KLF11: variants seen among roughly 807,000 people sequenced by gnomAD.
KLF11 encodes Krueppel-like factor 11.
In KLF11, 26 loss-of-function variants were observed where a neutral mutation model predicts 29.9. The observed-to-expected ratio is 0.87, with a 90% CI of 0.64 to 1.21. KLF11 has a LOEUF of 1.21. KLF11 is among the 50% of genes most tolerant of loss of function. KLF11 has a pLI of 0.00. For synonymous variants in KLF11, 318 were observed against 257.4 expected, an observed-to-expected ratio of 1.24 and a Z score of -2.25; for missense variants, 778 against 665.7, an observed-to-expected ratio of 1.17 and a Z score of -1.86.
intron 1 of KLF11, chr2:10,044,214 G>A: frequency 4.4e-6 from 4 of 905,148 alleles, no homozygotes; most frequent in East Asian, 1.4e-4. Flanking sequence ...TAGCGGTAGT[G>A]CCGCTCGGGC....
intron 3 of KLF11, among the ~76,000 whole-genome samples, chr2:10,051,746 T>A (rs530165277): frequency 9.6e-5 from 14 of 145,952 alleles, no homozygotes; most frequent in Admixed American, 7.5e-4. Context: ...CTCGGTCTTC[T>A]GACTTTGTGA....
At chr2:10,051,738 C>T (rs887889816) in intron 3 of KLF11, among the ~76,000 whole-genome samples, 3 of 142,524 alleles carry the variant, frequency 2.1e-5, no homozygotes, top group Non-Finnish European at 4.6e-5. Context: ...AGGATGGTCT[C>T]GGTCTTCTGA....
At chr2:10,049,149 C>T (rs769649048) in intron 3 of KLF11, among the ~76,000 whole-genome samples, 8 of 152,206 alleles carry the variant, frequency 5.3e-5, no homozygotes, top group African/African-American at 9.6e-5. Flanking sequence ...CTAACCAGCT[C>T]TGTCCAATAT....
At chr2:10,051,332 C>T (rs540713293) in intron 3 of KLF11, among the ~76,000 whole-genome samples, 3 of 152,214 alleles carry the variant, frequency 2.0e-5, no homozygotes, top group South Asian at 2.1e-4. Flanking sequence ...CCTCAGTCTC[C>T]GGAATAGTTG....
chr2:10,046,457 T>TTAGTC (rs747578406), intron 2 of KLF11, 38 bp downstream of exon 2: 10 of 1,605,930 alleles, frequency 6.2e-6, no homozygotes, highest in Non-Finnish European at 7.6e-6. Context: ...TTTTGTGAAA[T>TTAGTC]GACTAGAGTA....
intron 3 of KLF11, among the ~76,000 whole-genome samples, chr2:10,050,300 A>G (rs1471495319): frequency 6.6e-6 from 1 of 151,494 alleles, no homozygotes; most frequent in Non-Finnish European, 1.5e-5. Context: ...CTAGCTGCTC[A>G]GGAGGCTGAG....
At position 10,053,430 on chromosome 2, in the gene KLF11, T is replaced by C. The variant is rs1661467362; in HGVS notation, c.*923T>C. 1.0e-5 allele frequency: 4 copies of C among 398,548 alleles called. No individual in the cohort carries two copies. The highest frequency in any genetic ancestry group is 4.4e-5 in the Admixed American group (1 of 22,714). The allele number at this position is 398,548 out of a possible 1,614,324, so 24.7% of individuals were successfully genotyped here. A position where few individuals can be genotyped will look rare whatever the true frequency, so the allele number is the denominator to read the frequency against. ...GTTCTGACTCCTTTTGCTGTGGCCTTATCCGTACTATATTGTGGGTAGAGT... is the reference window on the plus strand; with the variant it reads ...GTTCTGACTCCTTTTGCTGTGGCCTCATCCGTACTATATTGTGGGTAGAGT... On this transcript the variant is annotated 3_prime_UTR_variant, in exon 4 of 4. Coordinates refer to ENST00000305883, the MANE Select transcript of KLF11 (RefSeq NM_003597.5).
chr2:10,048,674 G>C (rs532844913), intron 3 of KLF11, 79 bp downstream of exon 3: 12 of 1,121,138 alleles, frequency 1.1e-5, no homozygotes, highest in Admixed American at 7.0e-5. Context: ...CCTTTGGCTG[G>C]GAGGGGATCA....
In KLF11 at chr2:10,052,245, G is replaced by A; in HGVS notation, c.1277G>A (p.Cys426Tyr). 6.2e-7 allele frequency: 1 copy of A among 1,614,190 alleles called. No individual in the cohort carries two copies. The highest frequency in any genetic ancestry group is 1.1e-5 in the South Asian group (1 of 91,088). The stretch of plus-strand genomic sequence containing the variant: ...CTCACAGGGGAGAAGCCTTTCAACT[G>A]CAGCTGGGATGGCTGTGATAAAAAG... Reference protein sequence around the residue: ...RTHTGEKPFNCSWDGCDKKFA... With the variant: ...RTHTGEKPFNYSWDGCDKKFA... The change falls in exon 4 of 4, where the codon TGC (cysteine) becomes TAC (tyrosine). Residue 426 changes from cysteine to tyrosine, a missense_variant. Coordinates refer to ENST00000305883, the MANE Select transcript of KLF11 (RefSeq NM_003597.5).
chr2:10,053,905 G>T lies in KLF11; in HGVS notation c.*1398G>T, dbSNP rs537306146. 1 of 152,886 alleles carries T rather than the reference G, an allele frequency of 6.5e-6. No individual in the cohort carries two copies. The highest frequency in any genetic ancestry group is 1.5e-5 in the Non-Finnish European group (1 of 68,434). 9.5% of individuals were successfully genotyped at this position (152,886 alleles called of 1,614,324 possible). A position where few individuals can be genotyped will look rare whatever the true frequency, so the allele number is the denominator to read the frequency against. The stretch of plus-strand genomic sequence containing the variant: ...TGGTAGCCTGGGAATTTTTTTTATT[G>T]TGCAGTATGTATTTAAATTTTGTCT... On this transcript the variant is annotated 3_prime_UTR_variant, in exon 4 of 4. Coordinates refer to ENST00000305883, the MANE Select transcript of KLF11 (RefSeq NM_003597.5).
intron 1 of KLF11, 98 bp from the exon 2 acceptor site, chr2:10,046,052 C>T: frequency 7.3e-7 from 1 of 1,362,666 alleles, no homozygotes. Context: ...GCATTACATG[C>T]CTACTGTAGG....
chr2:10,044,262 G>A, intron 1 of KLF11: 1 of 981,006 alleles, frequency 1.0e-6, no homozygotes, highest in Non-Finnish European at 1.2e-6. Context: ...GGGCAACGAC[G>A]GGAGGCGGGA....
At chr2:10,051,542 G>A (rs567686210) in intron 3 of KLF11, among the ~76,000 whole-genome samples, 23 of 147,114 alleles carry the variant, frequency 1.6e-4, no homozygotes, top group Non-Finnish European at 3.3e-4. Context: ...TTTTTGAGAC[G>A]GAGTCTCCTG....
chr2:10,051,550 C>G (rs1395203452), intron 3 of KLF11, among the ~76,000 whole-genome samples: 1 of 150,022 alleles, frequency 6.7e-6, no homozygotes, highest in African/African-American at 2.5e-5. Context: ...ACGGAGTCTC[C>G]TGTGTCGCCC....
Position 10,047,992 on chromosome 2 carries a change from C to T in KLF11, c.655C>T (p.Leu219Phe), listed in dbSNP as rs763228890. 1.9e-6 allele frequency: 3 copies of T among 1,613,992 alleles called. No individual in the cohort carries two copies. Among genetic ancestry groups the T allele is most frequent in the Admixed American group, 1.7e-5 (1 of 60,006 alleles). Residue 219 changes from leucine (L) to phenylalanine (F), a missense_variant, in exon 3 of 4, where the codon CTC becomes TTC. Coordinates refer to ENST00000305883, the MANE Select transcript of KLF11 (RefSeq NM_003597.5). ...GHFETLQDTH[L>F]TDSLLSTNLV... ...CTTTGAAACTTTGCAGGACACACAC[C>T]TCACGGACAGTTTACTCAGCACTAA...
chr2:10,044,797 TC>T (rs768645202), intron 1 of KLF11, among the ~76,000 whole-genome samples: 31 of 152,040 alleles, frequency 2.0e-4, no homozygotes, highest in Admixed American at 6.6e-4. Context: ...GGCTTAGTTT[TC>T]TTTTGGAAGA....
chr2:10,048,374 G>T lies in KLF11; in HGVS notation c.1037G>T (p.Gly346Val), dbSNP rs964899969. Residue 346 changes from glycine to valine, a missense_variant, in exon 3 of 4, where the codon GGA becomes GTA. Physicochemically the swap from Gly to Val is moderately radical, Grantham distance 109. Transcript: ENST00000305883. ...QGAVMLVLPQ[G>V]ALPPPAPCAA... ...GCTGTGATGTTGGTCCTGCCCCAGG[G>T]AGCCCTCCCTCCGCCTGCCCCCTGT... The T allele has an allele frequency of 1.9e-6, 3 of 1,612,472 alleles. No individual in the cohort carries two copies. The highest frequency in any genetic ancestry group is 2.5e-6 in the Non-Finnish European group (3 of 1,178,752).
At position 10,052,735 on chromosome 2, in the gene KLF11, A is replaced by T. The variant is rs78254957; in HGVS notation, c.*228A>T. 4.0e-4 allele frequency: 152 copies of T among 376,196 alleles called. No homozygotes were observed. The highest frequency in any genetic ancestry group is 1.3e-3 in the Middle Eastern group (2 of 1,514). The allele number at this position is 376,196 out of a possible 1,614,324, so 23.3% of individuals were successfully genotyped here. On this transcript the variant is annotated 3_prime_UTR_variant, in exon 4 of 4. Transcript: ENST00000305883. ...GTTTTTTTGTTTTGGTTTTTTTTTT[A>T]AAGAAATGGTAGAAAATTTGATAAT...
rs777727299 is a variant in KLF11, at chr2:10,052,826, C to A, written c.*319C>A. ...TTTACAAAATCTGGATTTTTACAACCTTTTCTATTGATGTTTTGTAGAAAT... is the reference window on the plus strand; with the variant it reads ...TTTACAAAATCTGGATTTTTACAACATTTTCTATTGATGTTTTGTAGAAAT... On this transcript the variant is annotated 3_prime_UTR_variant, in exon 4 of 4. Transcript: ENST00000305883. 1.0e-5 allele frequency: 4 copies of A among 391,364 alleles called. No homozygotes were observed. The highest frequency in any genetic ancestry group is 8.3e-5 in the African/African-American group (4 of 48,440). The allele number at this position is 391,364 out of a possible 1,614,324, so 24.2% of individuals were successfully genotyped here.
Sources: allele counts gnomAD v4.1 joint callset (sites outside exome capture counted in the v4.1 genomes callset), GRCh38; gene constraint gnomAD v4.1.1; transcripts MANE v1.5; gene names NCBI Gene and HGNC (gene_info 2026-07-23, HGNC 2026-07-21).